Variants in SORBS2 observed in about 807,000 individuals in gnomAD.
SORBS2 encodes the protein sorbin and SH3 domain containing 2, also known as sorbin and SH3 domain-containing protein 2.
In SORBS2, 46 loss-of-function variants were observed where a neutral mutation model predicts 97.7. The ratio of observed to expected loss-of-function variants is 0.47; its 90% CI spans 0.37 to 0.60. The LOEUF (loss-of-function observed/expected upper bound fraction) is 0.60. SORBS2 is among the 20% of genes least tolerant of loss of function. The pLI is 0.00. For missense variants in SORBS2, 1,316 were observed against 1,282.3 expected (o/e 1.03, Z -0.40); for synonymous variants, 476 against 473.4 (o/e 1.01, Z -0.07).
intron 2 of SORBS2, among the ~76,000 whole-genome samples, chr4:185,703,635 G>A (rs548732100): frequency 6.6e-6 from 1 of 152,156 alleles, no homozygotes; most frequent in Non-Finnish European, 1.5e-5. Flanking sequence ...CATGTGGATG[G>A]TTGTTGTTCT....
intron 2 of SORBS2, among the ~76,000 whole-genome samples, chr4:185,753,454 ATACTT>A (rs536643940): frequency 3.9e-5 from 6 of 152,358 alleles, no homozygotes; most frequent in African/African-American, 1.4e-4. Flanking sequence ...AAGGTAAAAT[ATACTT>A]TATAAAAATA....
At chr4:185,942,357 CT>C (rs141053685) in intron 1 of SORBS2, among the ~76,000 whole-genome samples, 36,737 of 147,808 alleles carry the variant, frequency 0.25, 4,855 homozygotes, top group Admixed American at 0.33. Context: ...TTTATATTTT[CT>C]TTTTTTTTTT....
At chr4:185,694,540 G>A (rs573067187) in intron 2 of SORBS2, among the ~76,000 whole-genome samples, 10 of 152,210 alleles carry the variant, frequency 6.6e-5, no homozygotes, top group East Asian at 1.9e-4. Context: ...TGACAACAAT[G>A]GATTGGTTTT....
At chr4:185,922,443 C>T (rs1391970217) in intron 1 of SORBS2, among the ~76,000 whole-genome samples, 1 of 152,176 alleles carries the variant, frequency 6.6e-6, no homozygotes, top group Non-Finnish European at 1.5e-5. Flanking sequence ...AGGTTCCTTC[C>T]AGCTCTTATA....
At chr4:185,750,192 G>A (rs537545275) in intron 2 of SORBS2, among the ~76,000 whole-genome samples, 9 of 152,282 alleles carry the variant, frequency 5.9e-5, no homozygotes, top group South Asian at 2.1e-4. Flanking sequence ...GAACTCTTTC[G>A]AAACTATTCC....
intron 1 of SORBS2, among the ~76,000 whole-genome samples, chr4:185,805,229 CTATA>C (rs3080336): frequency 3.3e-5 from 5 of 151,278 alleles, no homozygotes; most frequent in South Asian, 2.1e-4. Flanking sequence ...ACCAGGAAGA[CTATA>C]TATATATATA....
At chr4:185,908,114 TTTC>T (rs1454151183) in intron 1 of SORBS2, among the ~76,000 whole-genome samples, 2 of 151,694 alleles carry the variant, frequency 1.3e-5, no homozygotes, top group African/African-American at 2.4e-5. Context: ...TTGCTTTTGC[TTTC>T]TTCTTCTTGA....
At chr4:185,800,181 C>A (rs1379268118) in intron 1 of SORBS2, among the ~76,000 whole-genome samples, 6 of 152,118 alleles carry the variant, frequency 3.9e-5, no homozygotes, top group Non-Finnish European at 4.4e-5. Flanking sequence ...GATGACAGAG[C>A]AAGACTCCAT....
intron 1 of SORBS2, among the ~76,000 whole-genome samples, chr4:185,862,076 G>A (rs912490592): frequency 6.6e-6 from 1 of 152,172 alleles, no homozygotes; most frequent in Non-Finnish European, 1.5e-5. Flanking sequence ...TAGAGAGTAT[G>A]CAGAGGAAGA....
intron 1 of SORBS2, among the ~76,000 whole-genome samples, chr4:185,792,562 AGG>A (rs1188824088): frequency 1.8e-4 from 28 of 151,978 alleles, no homozygotes; most frequent in African/African-American, 6.3e-4. Context: ...AAGGAAGGGG[AGG>A]AGGGAAGGAA....
intron 1 of SORBS2, among the ~76,000 whole-genome samples, chr4:185,790,756 AAAT>A: frequency 6.6e-6 from 1 of 152,218 alleles, no homozygotes; most frequent in East Asian, 1.9e-4. Context: ...AAATACTCTA[AAAT>A]ATGTTTATCA....
chr4:185,872,501 A>G (rs952117481), intron 1 of SORBS2, among the ~76,000 whole-genome samples: 1 of 152,220 alleles, frequency 6.6e-6, no homozygotes, highest in African/African-American at 2.4e-5. Flanking sequence ...GTAAATGACC[A>G]GTGATGATGA....
intron 1 of SORBS2, among the ~76,000 whole-genome samples, chr4:185,858,730 T>C (rs2099222058): frequency 6.6e-6 from 1 of 152,198 alleles, no homozygotes; most frequent in Non-Finnish European, 1.5e-5. Context: ...CTGAACACGT[T>C]TTAACTAAAG....
At chr4:185,678,518 C>T (rs1225111452) in exon 4 of SORBS2, 1 of 1,548,284 alleles carries the variant, frequency 6.5e-7, no homozygotes, top group Non-Finnish European at 8.7e-7. Flanking sequence ...TTCAGTGTCT[C>T]CTGATTGCCA....
intron 2 of SORBS2, among the ~76,000 whole-genome samples, chr4:185,713,155 G>A (rs1199625946): frequency 1.1e-4 from 16 of 152,040 alleles, no homozygotes; most frequent in Non-Finnish European, 7.4e-5. Flanking sequence ...CTAGCTCATG[G>A]CTACCACTCT....
chr4:185,611,948 A>G (rs770463715), exon 12 of SORBS2: 1 of 1,612,810 alleles, frequency 6.2e-7, no homozygotes, highest in Admixed American at 1.7e-5. Flanking sequence ...ACCAGTTTTG[A>G]TCAACTCTTT....
intron 2 of SORBS2, among the ~76,000 whole-genome samples, chr4:185,757,903 T>TGGAATATTTTC (rs2098840592): frequency 6.6e-6 from 1 of 152,224 alleles, no homozygotes; most frequent in Non-Finnish European, 1.5e-5. Context: ...CTCATATTTT[T>TGGAATATTTTC]GGAATATTTT....
rs150573145 is a variant in SORBS2 at position 185,788,146 on chromosome 4, C to T, written c.-337-12780G>A. 3.1e-3 allele frequency among the ~76,000 whole-genome samples: 479 copies of T among 152,276 alleles called. 1 individual carries two copies. Among genetic ancestry groups the T allele is most frequent in the African/African-American group, 0.011 (454 of 41,552 alleles). On this transcript the variant is annotated intron_variant, in intron 1 of 20. Transcript: ENST00000284776. ...TTGTTCTGCCTGGGAGCAGCTTTGT[C>T]GGAGACTTGCTACTCAAACCCCTCA...
intron 4 of SORBS2, among the ~76,000 whole-genome samples, chr4:185,676,353 C>A (rs1483641326): frequency 5.3e-5 from 8 of 152,166 alleles, no homozygotes; most frequent in Non-Finnish European, 1.2e-4. Flanking sequence ...AAAAGAGAAG[C>A]ACATTTCTCC....
Sources: allele counts gnomAD v4.1 joint callset (sites outside exome capture counted in the v4.1 genomes callset), GRCh38; gene constraint gnomAD v4.1.1; transcripts MANE v1.5; gene names NCBI Gene and HGNC (gene_info 2026-07-23, HGNC 2026-07-21).